Variants in TBC1D32 observed in about 807,000 individuals in gnomAD.
TBC1D32 encodes TBC1 domain family member 32, also known as protein broad-minded.
In TBC1D32, 151 loss-of-function variants were observed where a neutral mutation model predicts 170.3. The observed-to-expected ratio is 0.89, with a 90% confidence interval of 0.78 to 1.01. TBC1D32 has a LOEUF of 1.01. TBC1D32 is among the 50% of genes least tolerant of loss of function. The probability of loss-of-function intolerance (pLI) is 0.00; values close to 1 mark genes in which losing one functional copy is unlikely to be tolerated. For synonymous variants in TBC1D32, 498 were observed against 488.0 expected, an observed-to-expected ratio of 1.02 and a Z score of -0.27; for missense variants, 1,464 against 1,457.1, an observed-to-expected ratio of 1.00 and a Z score of -0.08.
intron 1 of TBC1D32, among the ~76,000 whole-genome samples, chr6:121,329,560 G>A (rs1810934331): frequency 6.6e-6 from 1 of 152,138 alleles, no homozygotes; most frequent in Admixed American, 6.5e-5. Flanking sequence ...GCTGAGGCAA[G>A]AGAATCACTT....
chr6:121,323,524 G>A (rs1810038901), intron 1 of TBC1D32, among the ~76,000 whole-genome samples: 1 of 152,120 alleles, frequency 6.6e-6, no homozygotes, highest in African/African-American at 2.4e-5. Context: ...GTCAAATACT[G>A]CTTCCTTGGC....
intron 24 of TBC1D32, among the ~76,000 whole-genome samples, chr6:121,144,235 C>T (rs1423607180): frequency 1.3e-5 from 2 of 152,042 alleles, no homozygotes; most frequent in East Asian, 3.9e-4. Flanking sequence ...AGAGCATATG[C>T]CAGTAAAGAT....
At chr6:121,136,282 C>T (rs1422858592) in intron 24 of TBC1D32, among the ~76,000 whole-genome samples, 1 of 152,146 alleles carries the variant, frequency 6.6e-6, no homozygotes, top group Non-Finnish European at 1.5e-5. Context: ...ATCTCAAAAA[C>T]ATGATGCTAA....
intron 16 of TBC1D32, 111 bp from the exon 17 acceptor site, chr6:121,255,521 T>A: frequency 1.8e-5 from 2 of 108,378 alleles, no homozygotes; most frequent in Non-Finnish European, 2.6e-5. Flanking sequence ...TAATTATATT[T>A]TATATTTCTT....
chr6:121,244,593 C>G (rs570396685), intron 17 of TBC1D32, among the ~76,000 whole-genome samples: 2 of 152,202 alleles, frequency 1.3e-5, no homozygotes, highest in African/African-American at 4.8e-5. Context: ...TGATTTGTCA[C>G]TTTTTCATTT....
Position 121,252,300 on chromosome 6 carries a change from A to T in TBC1D32, c.2018+3028T>A, listed in dbSNP as rs117210590. Among the ~76,000 whole-genome samples, 327 of 152,344 alleles carry T rather than the reference A, an allele frequency of 2.1e-3. 6 individuals carry two copies. The East Asian group carries it at 0.047, about 22-fold the overall frequency. ...TATGTTTATTGCAGCATTGTTCACA[A>T]TAACTAAGACTTGGAACTAATGCAA... On this transcript the variant is annotated intron_variant, in intron 17 of 31. Transcript: ENST00000398212.
rs187965286 is a variant in TBC1D32 at position 121,242,014 on chromosome 6, A to C, written c.2157+187T>G. On this transcript the variant is annotated intron_variant, in intron 18 of 31. Transcript: ENST00000398212. ...TGGTTGTTTGCAATTCTGTAAATACAGCCACAGACACTAATATCAACTCTC... is the reference window on the plus strand; with the variant it reads ...TGGTTGTTTGCAATTCTGTAAATACCGCCACAGACACTAATATCAACTCTC... 2.6e-5 allele frequency among the ~76,000 whole-genome samples: 4 copies of C among 152,288 alleles called. No homozygotes were observed. The East Asian group carries it at 7.7e-4, about 29-fold the overall frequency.
chr6:121,172,397 G>C (rs1787150932), intron 22 of TBC1D32, among the ~76,000 whole-genome samples: 1 of 152,178 alleles, frequency 6.6e-6, no homozygotes, highest in Non-Finnish European at 1.5e-5. Flanking sequence ...AGGTAAGGAA[G>C]AGTATGCATG....
intron 21 of TBC1D32, among the ~76,000 whole-genome samples, chr6:121,210,086 A>G (rs777394152): frequency 2.0e-5 from 3 of 152,200 alleles, no homozygotes; most frequent in Non-Finnish European, 2.9e-5. Context: ...AATAAAGTAC[A>G]ACTTGAGAGT....
intron 5 of TBC1D32, among the ~76,000 whole-genome samples, chr6:121,306,272 T>C (rs1308967992): frequency 1.3e-5 from 2 of 152,184 alleles, no homozygotes; most frequent in African/African-American, 2.4e-5. Flanking sequence ...ACCACTTCTG[T>C]TTACCAGTAT....
rs574934507 is a variant in TBC1D32, at chr6:121,202,039, A to C, written c.2570+3036T>G. Among the ~76,000 whole-genome samples the C allele has an allele frequency of 2.6e-5, 4 of 151,332 alleles. No homozygotes were observed. The South Asian group carries it at 8.3e-4, about 31-fold the overall frequency. On this transcript the variant is annotated intron_variant, in intron 22 of 31. Transcript: ENST00000398212. Reference sequence around the variant, plus strand: ...AAGAGTTCAATTTTCAACATGTTTAAGTGAGAAATGTATAAATTGAGATGT... The same window carrying C: ...AAGAGTTCAATTTTCAACATGTTTACGTGAGAAATGTATAAATTGAGATGT...
At chr6:121,303,876 T>A in intron 8 of TBC1D32, 115 bp from the exon 9 acceptor site, 1 of 655,996 alleles carries the variant, frequency 1.5e-6, no homozygotes, top group Non-Finnish European at 2.2e-6. Context: ...TCTATTTCAG[T>A]AAATGACAGG....
intron 12 of TBC1D32, among the ~76,000 whole-genome samples, chr6:121,290,149 G>A (rs1482062066): frequency 2.0e-5 from 3 of 152,138 alleles, no homozygotes; most frequent in Non-Finnish European, 4.4e-5. Flanking sequence ...ATTGACAAAT[G>A]GGATCTAATT....
intron 20 of TBC1D32, among the ~76,000 whole-genome samples, chr6:121,230,296 A>G (rs1167318938): frequency 6.6e-6 from 1 of 152,116 alleles, no homozygotes; most frequent in African/African-American, 2.4e-5. Context: ...AAACATACGG[A>G]TGCTGATAAT....
intron 10 of TBC1D32, 125 bp downstream of exon 10, chr6:121,299,320 TA>T: frequency 9.2e-7 from 1 of 1,082,574 alleles, no homozygotes; most frequent in Non-Finnish European, 1.3e-6. Flanking sequence ...TAAGATCACA[TA>T]AAAGGCGAAT....
At chr6:121,157,397 T>C (rs1052514308) in intron 24 of TBC1D32, among the ~76,000 whole-genome samples, 2 of 152,270 alleles carry the variant, frequency 1.3e-5, no homozygotes, top group Non-Finnish European at 2.9e-5. Flanking sequence ...GTGAGTGCCA[T>C]TACATGTGAG....
At chr6:121,273,852 T>C (rs1428577502) in intron 15 of TBC1D32, among the ~76,000 whole-genome samples, 1 of 152,136 alleles carries the variant, frequency 6.6e-6, no homozygotes, top group African/African-American at 2.4e-5. Context: ...CGGCAAGCTG[T>C]AACCAAAATG....
intron 10 of TBC1D32, among the ~76,000 whole-genome samples, chr6:121,298,052 C>T (rs947317546): frequency 3.9e-5 from 6 of 151,962 alleles, no homozygotes; most frequent in African/African-American, 1.4e-4. Flanking sequence ...AAAATTTGAC[C>T]CTTGATTCTG....
At chr6:121,140,302 G>T (rs1582933180) in intron 24 of TBC1D32, among the ~76,000 whole-genome samples, 1 of 138,072 alleles carries the variant, frequency 7.2e-6, no homozygotes. Flanking sequence ...CATTTAATTT[G>T]TAGTAAAAAA....
Sources: gnomAD v4.1 joint callset for allele counts (sites outside exome capture counted in the v4.1 genomes callset) on GRCh38, gnomAD v4.1.1 for gene constraint, MANE v1.5 for transcripts, NCBI Gene and HGNC (gene_info 2026-07-23, HGNC 2026-07-21) for gene names.